The following CCDC170 variants were observed in gnomAD, a reference collection of about 807,000 sequenced individuals.
CCDC170 encodes coiled-coil domain containing 170.
In CCDC170, 69 loss-of-function variants were observed where a neutral mutation model predicts 72.6. The ratio of observed to expected loss-of-function variants is 0.95; its 90% confidence interval spans 0.78 to 1.16. CCDC170 has a LOEUF of 1.16. CCDC170 is among the 50% of genes most tolerant of loss of function. The probability of loss-of-function intolerance (pLI) is 0.00; values close to 1 mark genes in which losing one functional copy is unlikely to be tolerated. For missense variants in CCDC170, 852 were observed against 832.5 expected (o/e 1.02, Z -0.29); for synonymous variants, 300 against 303.9 (o/e 0.99, Z 0.13).
At chr6:151,529,091 CT>C (rs1252059208) in intron 1 of CCDC170, among the ~76,000 whole-genome samples, 1 of 151,816 alleles carries the variant, frequency 6.6e-6, no homozygotes, top group African/African-American at 2.4e-5. Context: ...CTGTAAAATT[CT>C]TTTTTTTCTT....
rs141139064 is a variant in CCDC170, at chr6:151,517,058, G to A, written c.58-19260G>A. Reference sequence around the variant, plus strand: ...TAGGAAAGAAAATGATTTTGGGGCCGGGCACAGTGGCTCACGCCTATAATC... The same window carrying A: ...TAGGAAAGAAAATGATTTTGGGGCCAGGCACAGTGGCTCACGCCTATAATC... On this transcript the variant is annotated intron_variant, in intron 1 of 10. Coordinates refer to ENST00000239374, the MANE Select transcript of CCDC170 (RefSeq NM_025059.4). Among the ~76,000 whole-genome samples, 394 of 152,292 alleles carry A rather than the reference G, an allele frequency of 2.6e-3. 1 individual carries two copies. Among genetic ancestry groups the A allele is most frequent in the African/African-American group, 8.1e-3 (337 of 41,560 alleles).
intron 5 of CCDC170, among the ~76,000 whole-genome samples, chr6:151,548,812 C>T (rs1333592879): frequency 2.6e-5 from 4 of 151,864 alleles, no homozygotes; most frequent in African/African-American, 9.7e-5. Context: ...TTCCGCCTCC[C>T]TGGTTCAAGC....
chr6:151,545,389 G>T (rs1021584429), intron 4 of CCDC170, among the ~76,000 whole-genome samples: 6 of 151,844 alleles, frequency 4.0e-5, no homozygotes, highest in African/African-American at 1.5e-4. Flanking sequence ...CTCCACCTGG[G>T]CCACAGAGTG....
intron 9 of CCDC170, among the ~76,000 whole-genome samples, chr6:151,603,894 G>C (rs1399420790): frequency 6.6e-6 from 1 of 152,162 alleles, no homozygotes; most frequent in Non-Finnish European, 1.5e-5. Flanking sequence ...TAGTAACTTA[G>C]TCCCTGGACC....
chr6:151,579,802 C>A (rs1294745902), intron 6 of CCDC170, among the ~76,000 whole-genome samples: 2 of 152,170 alleles, frequency 1.3e-5, no homozygotes, highest in Non-Finnish European at 2.9e-5. Flanking sequence ...GGAGCAGTAA[C>A]CCTGATGACG....
chr6:151,521,148 C>A (rs1782308845), intron 1 of CCDC170, among the ~76,000 whole-genome samples: 1 of 152,122 alleles, frequency 6.6e-6, no homozygotes. Flanking sequence ...GCTTCTGATT[C>A]CTTCTTACCC....
chr6:151,532,339 G>C lies in CCDC170; in HGVS notation c.58-3979G>C, dbSNP rs534111336. Among the ~76,000 whole-genome samples the C allele has an allele frequency of 1.8e-4, 27 of 152,268 alleles. 1 individual carries two copies. Among genetic ancestry groups the C allele is most frequent in the African/African-American group, 6.0e-4 (25 of 41,566 alleles). ...TAAGACTTCTTGGCTGGGCACAGTG[G>C]CTCATGCCTGTAATCACAGCACTTT... On this transcript the variant is annotated intron_variant, in intron 1 of 10. Coordinates refer to ENST00000239374, the MANE Select transcript of CCDC170 (RefSeq NM_025059.4).
intron 1 of CCDC170, among the ~76,000 whole-genome samples, chr6:151,522,561 G>A (rs1161737572): frequency 6.6e-6 from 1 of 152,120 alleles, no homozygotes; most frequent in South Asian, 2.1e-4. Context: ...ATGGGAATTA[G>A]TTTAGCCTGT....
At chr6:151,540,967 TAAAGACAGTGTTTTCTATGAGCCA>T (rs919064729) in intron 3 of CCDC170, among the ~76,000 whole-genome samples, 4 of 152,176 alleles carry the variant, frequency 2.6e-5, no homozygotes, top group African/African-American at 9.7e-5. Context: ...TCATTCAGGG[TAAAGACAGTGTTTTCTATGAGCCA>T]AAAGGCTCAT....
At chr6:151,518,996 A>T (rs1479539486) in intron 1 of CCDC170, among the ~76,000 whole-genome samples, 1 of 152,220 alleles carries the variant, frequency 6.6e-6, no homozygotes, top group East Asian at 1.9e-4. Context: ...AAAACTCCTG[A>T]TAAGGGTCTA....
intron 5 of CCDC170, among the ~76,000 whole-genome samples, chr6:151,570,756 T>C (rs891160303): frequency 1.5e-4 from 23 of 152,228 alleles, no homozygotes; most frequent in African/African-American, 5.5e-4. Context: ...TGAGAAGATA[T>C]TGTATTATGA....
chr6:151,616,944 A>G (rs1776977721), intron 10 of CCDC170, among the ~76,000 whole-genome samples: 1 of 152,220 alleles, frequency 6.6e-6, no homozygotes, highest in African/African-American at 2.4e-5. Flanking sequence ...CACATTGGTC[A>G]TTAGATTTCA....
chr6:151,497,451 A>T (rs1781926454), intron 1 of CCDC170, among the ~76,000 whole-genome samples: 1 of 152,208 alleles, frequency 6.6e-6, no homozygotes, highest in South Asian at 2.1e-4. Context: ...TTACTCCTTC[A>T]TCAACACTAA....
At position 151,585,969 on chromosome 6, in the gene CCDC170, C is replaced by T; in HGVS notation, c.1173C>T (p.Leu391=). ...GKESGFHQKA[L]QRAQKAENML... ...AGTCTGGGTTTCACCAGAAAGCTCTCCAGAGGGCCCAGAAAGCAGAGAATA... is the reference window on the plus strand; with the variant it reads ...AGTCTGGGTTTCACCAGAAAGCTCTTCAGAGGGCCCAGAAAGCAGAGAATA... The change falls in exon 7 of 11, where the codon CTC becomes CTT. Residue 391 remains leucine, a synonymous_variant. Coordinates refer to ENST00000239374, the MANE Select transcript of CCDC170 (RefSeq NM_025059.4). 3.7e-6 allele frequency: 6 copies of T among 1,614,012 alleles called. No homozygotes were observed. The highest frequency in any genetic ancestry group is 5.1e-6 in the Non-Finnish European group (6 of 1,179,974).
chr6:151,552,399 A>G (rs1480032621), intron 5 of CCDC170, among the ~76,000 whole-genome samples: 1 of 152,100 alleles, frequency 6.6e-6, no homozygotes, highest in Non-Finnish European at 1.5e-5. Flanking sequence ...TAGTGATGTT[A>G]GCATACGCCG....
intron 10 of CCDC170, among the ~76,000 whole-genome samples, chr6:151,616,327 A>T (rs1776967486): frequency 6.6e-6 from 1 of 152,114 alleles, no homozygotes; most frequent in Admixed American, 6.6e-5. Flanking sequence ...AAGAAGGAGC[A>T]TTTTATCTAG....
Position 151,541,072 on chromosome 6 carries a change from C to T in CCDC170, c.443+2771C>T, listed in dbSNP as rs1782682337. On this transcript the variant is annotated intron_variant, in intron 3 of 10. Coordinates refer to ENST00000239374, the MANE Select transcript of CCDC170 (RefSeq NM_025059.4). Reference sequence around the variant, plus strand: ...CAGATCTCTGGCTTCTTTGCTGTCCCTTGAACCTGACAGACCTGATTGTAC... The same window carrying T: ...CAGATCTCTGGCTTCTTTGCTGTCCTTTGAACCTGACAGACCTGATTGTAC... Among the ~76,000 whole-genome samples the T allele has an allele frequency of 2.6e-5, 4 of 152,118 alleles. No homozygotes were observed. The South Asian group carries it at 8.3e-4, about 32-fold the overall frequency.
At chr6:151,526,494 A>T (rs1188629916) in intron 1 of CCDC170, among the ~76,000 whole-genome samples, 4 of 148,046 alleles carry the variant, frequency 2.7e-5, no homozygotes, top group Non-Finnish European at 5.9e-5. Context: ...TACTGGGATT[A>T]CAGGCATGAG....
rs201558474 is a variant in CCDC170 at position 151,538,240 on chromosome 6, G to A, written c.382G>A (p.Ala128Thr). The A allele has an allele frequency of 3.8e-5, 61 of 1,613,784 alleles. No homozygotes were observed. In the East Asian group the frequency reaches 9.6e-4, roughly 25 times the overall value. The change falls in exon 3 of 11, where the codon GCT (alanine) becomes ACT (threonine). Residue 128 changes from alanine (A) to threonine (T), a missense_variant. By Grantham distance (58) the Ala-to-Thr change is moderately conservative. Transcript: ENST00000239374. The stretch of plus-strand genomic sequence containing the variant: ...AATCAGAACAGAAATCACAGCTCAC[G>A]CTGCAATCAAGGAGAACCAGGAATT... The part of the protein sequence containing the change: ...SKIRTEITAH[A>T]AIKENQELKK...
Sources: gnomAD v4.1 joint callset for allele counts (sites outside exome capture counted in the v4.1 genomes callset) on GRCh38, gnomAD v4.1.1 for gene constraint, MANE v1.5 for transcripts, NCBI Gene and HGNC (gene_info 2026-07-23, HGNC 2026-07-21) for gene names.